Variants in C1QTNF3 observed in about 807,000 individuals in gnomAD.
C1QTNF3 encodes the protein C1q and TNF related 3, also known as complement C1q tumor necrosis factor-related protein 3.
In C1QTNF3, 26 loss-of-function variants were observed where a neutral mutation model predicts 32.6. The ratio of observed to expected loss-of-function variants is 0.80; its 90% CI spans 0.58 to 1.11. The LOEUF is 1.11. C1QTNF3 is among the 50% of genes least tolerant of loss of function. C1QTNF3 has a pLI of 0.00. For missense variants in C1QTNF3, 362 were observed against 398.2 expected (o/e 0.91, Z 0.77); for synonymous variants, 155 against 146.0 (o/e 1.06, Z -0.44).
At chr5:34,125,668 A>C in the C1QTNF3 span, among the ~76,000 whole-genome samples, 691 of 152,322 alleles carry the variant, frequency 4.5e-3, 1 homozygote, top group Admixed American at 9.0e-3. Flanking sequence ...CAGTGATTAC[A>C]TCCTTTTATA....
chr5:34,214,590 T>C, the C1QTNF3 span, among the ~76,000 whole-genome samples: 1 of 152,232 alleles, frequency 6.6e-6, no homozygotes, highest in Non-Finnish European at 1.5e-5. Flanking sequence ...AAAACAATTC[T>C]ACAAAATGTG....
At chr5:34,038,702 C>G (rs1302437538) in intron 1 of C1QTNF3, among the ~76,000 whole-genome samples, 2 of 152,182 alleles carry the variant, frequency 1.3e-5, no homozygotes, top group African/African-American at 2.4e-5. Context: ...AAGGCTCAGA[C>G]AGGCTTTTTT....
the C1QTNF3 span, among the ~76,000 whole-genome samples, chr5:34,138,262 G>A: frequency 6.6e-6 from 1 of 152,046 alleles, no homozygotes; most frequent in Admixed American, 6.6e-5. Flanking sequence ...AATAGATTTT[G>A]AATTAAAATT....
intron 3 of C1QTNF3, 180 bp downstream of exon 3, chr5:34,033,124 T>C: frequency 1.6e-6 from 1 of 607,778 alleles, no homozygotes; most frequent in South Asian, 2.5e-5. Flanking sequence ...AGTATCTAAG[T>C]CCTCCTTTTG....
intron 5 of C1QTNF3, among the ~76,000 whole-genome samples, chr5:34,022,791 T>G (rs1160652197): frequency 6.6e-6 from 1 of 152,232 alleles, no homozygotes; most frequent in Non-Finnish European, 1.5e-5. Context: ...CTTCTGACTC[T>G]GGCAATGACA....
At chr5:34,023,256 C>G (rs777161245) in intron 5 of C1QTNF3, among the ~76,000 whole-genome samples, 1 of 152,170 alleles carries the variant, frequency 6.6e-6, no homozygotes, top group Non-Finnish European at 1.5e-5. Flanking sequence ...TCCTACAACC[C>G]CTCATTCTTT....
chr5:34,160,084 C>A, the C1QTNF3 span, among the ~76,000 whole-genome samples: 1 of 152,092 alleles, frequency 6.6e-6, no homozygotes, highest in African/African-American at 2.4e-5. Context: ...CATTAGGTAG[C>A]CCCTACCATC....
chr5:34,164,417 G>C, the C1QTNF3 span, among the ~76,000 whole-genome samples: 2 of 151,830 alleles, frequency 1.3e-5, no homozygotes, highest in Admixed American at 6.6e-5. Context: ...AGTTCAAAAG[G>C]AATAGTGACT....
At chr5:34,230,970 CTA>C in the C1QTNF3 span, among the ~76,000 whole-genome samples, 43,477 of 151,794 alleles carry the variant, frequency 0.29, 6,574 homozygotes, top group East Asian at 0.49. Flanking sequence ...ATTTCTTAGA[CTA>C]TCTAAACTAT....
chr5:34,038,218 C>T (rs112299318), intron 1 of C1QTNF3, among the ~76,000 whole-genome samples: 6 of 152,156 alleles, frequency 3.9e-5, no homozygotes, highest in Admixed American at 1.3e-4. Flanking sequence ...CGTGCTTCAG[C>T]GTGTTGAGTG....
chr5:34,156,049 T>A, the C1QTNF3 span, among the ~76,000 whole-genome samples: 4 of 152,196 alleles, frequency 2.6e-5, no homozygotes, highest in African/African-American at 9.6e-5. Context: ...ATGAGGAGTT[T>A]GATTTCTCCA....
the C1QTNF3 span, among the ~76,000 whole-genome samples, chr5:34,126,926 G>T: frequency 2.0e-5 from 3 of 152,192 alleles, no homozygotes; most frequent in South Asian, 6.2e-4. Flanking sequence ...ACATCCCCCT[G>T]GCTGTTAGCA....
the C1QTNF3 span, among the ~76,000 whole-genome samples, chr5:34,075,602 G>A: frequency 5.2e-3 from 795 of 151,642 alleles, 6 homozygotes; most frequent in Non-Finnish European, 9.2e-3. Context: ...AAATGTTAGA[G>A]AGGATGCAGA....
chr5:34,128,011 C>T, the C1QTNF3 span, among the ~76,000 whole-genome samples: 2 of 152,176 alleles, frequency 1.3e-5, no homozygotes, highest in Non-Finnish European at 2.9e-5. Flanking sequence ...ATCTTCACGG[C>T]TGCAACTCCC....
At chr5:34,226,248 C>A in the C1QTNF3 span, among the ~76,000 whole-genome samples, 1 of 151,830 alleles carries the variant, frequency 6.6e-6, no homozygotes, top group South Asian at 2.1e-4. Flanking sequence ...TTTAAAAATC[C>A]CATTAATTTG....
the C1QTNF3 span, chr5:34,218,598 G>A: frequency 1.8e-4 from 27 of 152,574 alleles, no homozygotes; most frequent in African/African-American, 6.0e-4. Flanking sequence ...GTAAAGGATG[G>A]ACAGAGTCCA....
chr5:34,083,565 C>A, the C1QTNF3 span, among the ~76,000 whole-genome samples: 1 of 149,230 alleles, frequency 6.7e-6, no homozygotes, highest in Admixed American at 6.7e-5. Flanking sequence ...GGAAACAGAC[C>A]ATATTTATAT....
chr5:34,176,120 G>T, the C1QTNF3 span, among the ~76,000 whole-genome samples: 1 of 152,208 alleles, frequency 6.6e-6, no homozygotes, highest in Non-Finnish European at 1.5e-5. Flanking sequence ...GGAGAAATTG[G>T]AAATCATCAT....
chr5:34,057,481 T>C, the C1QTNF3 span, among the ~76,000 whole-genome samples: 1 of 152,236 alleles, frequency 6.6e-6, no homozygotes, highest in South Asian at 2.1e-4. Context: ...GGGACATTCA[T>C]CATCCCACAT....
Sources: allele counts gnomAD v4.1 joint callset (sites outside exome capture counted in the v4.1 genomes callset), GRCh38; gene constraint gnomAD v4.1.1; transcripts MANE v1.5; gene names NCBI Gene and HGNC (gene_info 2026-07-23, HGNC 2026-07-21).